Variants in NYAP2 observed in about 807,000 individuals in gnomAD.
The protein encoded by NYAP2 is neuronal tyrosine-phosphorylated phosphoinositide-3-kinase adaptor 2.
A neutral mutation model predicts 50.4 loss-of-function variants in NYAP2; 23 were observed. The observed-to-expected ratio is 0.46, with a 90% confidence interval of 0.33 to 0.65. The LOEUF (loss-of-function observed/expected upper bound fraction) is 0.65. Ranked by LOEUF, NYAP2 falls within the 30% of genes least tolerant of loss-of-function variation. NYAP2 has a pLI of 0.02. For missense variants in NYAP2, 885 were observed against 861.0 expected, an observed-to-expected ratio of 1.03 and a Z score of -0.35; for synonymous variants, 394 against 365.2, an observed-to-expected ratio of 1.08 and a Z score of -0.90.
At chr2:225,684,561 G>GT in the NYAP2 span, among the ~76,000 whole-genome samples, 140 of 145,578 alleles carry the variant, frequency 9.6e-4, no homozygotes, top group South Asian at 3.1e-3. Context: ...TAGTTTTTTT[G>GT]TTTTTTTTTT....
At chr2:225,617,759 T>C (rs1417279916) in intron 5 of NYAP2, among the ~76,000 whole-genome samples, 1 of 152,236 alleles carries the variant, frequency 6.6e-6, no homozygotes, top group Non-Finnish European at 1.5e-5. Context: ...TCTCCAGTTA[T>C]TGAGGGCTAT....
At chr2:225,611,063 A>T (rs1692875166) in intron 5 of NYAP2, among the ~76,000 whole-genome samples, 1 of 152,182 alleles carries the variant, frequency 6.6e-6, no homozygotes, top group Non-Finnish European at 1.5e-5. Flanking sequence ...TGAGTTTGGG[A>T]TGCAGAAAGG....
chr2:225,496,957 G>A (rs10933094), intron 3 of NYAP2, among the ~76,000 whole-genome samples: 8,803 of 151,966 alleles, frequency 0.058, 345 homozygotes, highest in Non-Finnish European at 0.086. Context: ...CATTAAAACC[G>A]TTGCTAATAT....
intron 4 of NYAP2, among the ~76,000 whole-genome samples, chr2:225,565,899 G>A (rs1039959865): frequency 6.7e-6 from 1 of 148,400 alleles, no homozygotes; most frequent in Admixed American, 6.6e-5. Context: ...TTTAAAAAAC[G>A]GTAAAAAAAT....
rs1260958166 is a variant in NYAP2 at position 225,532,153 on chromosome 2, A to G, written c.523+18481A>G. On this transcript the variant is annotated intron_variant, in intron 4 of 6. Transcript: ENST00000636099. The stretch of plus-strand genomic sequence containing the variant: ...GGTTTCACTTAGCCATTTCTATCAT[A>G]TTCTTAGAGGACAGGTATATATTTC... 2.6e-5 allele frequency among the ~76,000 whole-genome samples: 4 copies of G among 152,160 alleles called. No individual in the cohort carries two copies. The East Asian group carries it at 7.7e-4, about 29-fold the overall frequency.
chr2:225,433,358 TAAAA>T (rs10553749), intron 3 of NYAP2, among the ~76,000 whole-genome samples: 9 of 149,046 alleles, frequency 6.0e-5, no homozygotes, highest in Admixed American at 1.3e-4. Context: ...CCTATCTGTT[TAAAA>T]AAAAAAAAAG....
the NYAP2 span, among the ~76,000 whole-genome samples, chr2:225,696,170 A>G: frequency 2.0e-5 from 3 of 151,978 alleles, no homozygotes; most frequent in African/African-American, 7.2e-5. Context: ...CTCTGGAGTC[A>G]GACAGACCTG....
At chr2:225,442,971 A>C (rs1689494063) in intron 3 of NYAP2, among the ~76,000 whole-genome samples, 1 of 152,194 alleles carries the variant, frequency 6.6e-6, no homozygotes, top group Non-Finnish European at 1.5e-5. Context: ...CACATCTTAC[A>C]TGGTGGCAGG....
intron 3 of NYAP2, among the ~76,000 whole-genome samples, chr2:225,430,652 C>T (rs967651483): frequency 6.6e-6 from 1 of 152,146 alleles, no homozygotes; most frequent in African/African-American, 2.4e-5. Flanking sequence ...GGCCCAAGTG[C>T]TCAGTTATTA....
Position 225,583,049 on chromosome 2 carries a change from G to C in NYAP2, c.1618+14G>C, listed in dbSNP as rs1275136041. On this transcript the variant is annotated intron_variant, in intron 5 of 6. Transcript: ENST00000636099. Reference sequence around the variant, plus strand: ...AGCCTGCAGAGAGTAAGTGTGCAGGGCCTGCCTGAGCCCCAGAGCCCAGTG... The same window carrying C: ...AGCCTGCAGAGAGTAAGTGTGCAGGCCCTGCCTGAGCCCCAGAGCCCAGTG... 10 of 1,602,388 alleles carry C rather than the reference G, an allele frequency of 6.2e-6. No homozygotes were observed. The highest frequency in any genetic ancestry group is 8.5e-6 in the Non-Finnish European group (10 of 1,174,334).
At chr2:225,606,301 A>G (rs966177402) in intron 5 of NYAP2, among the ~76,000 whole-genome samples, 1 of 152,104 alleles carries the variant, frequency 6.6e-6, no homozygotes, top group Admixed American at 6.6e-5. Context: ...AACTTTCTGC[A>G]CTTGGTTTCC....
chr2:225,567,193 A>G (rs1461253213), intron 4 of NYAP2, among the ~76,000 whole-genome samples: 1 of 152,190 alleles, frequency 6.6e-6, no homozygotes, highest in African/African-American at 2.4e-5. Context: ...CTAAACATAT[A>G]TAAACATAGA....
At chr2:225,414,399 C>G (rs551550866) in intron 3 of NYAP2, among the ~76,000 whole-genome samples, 44 of 152,210 alleles carry the variant, frequency 2.9e-4, no homozygotes, top group African/African-American at 9.9e-4. Flanking sequence ...TGGTTTTGTG[C>G]AGGCACTGTT....
chr2:225,573,922 A>G (rs1316871286), intron 4 of NYAP2, among the ~76,000 whole-genome samples: 1 of 152,186 alleles, frequency 6.6e-6, no homozygotes, highest in Non-Finnish European at 1.5e-5. Flanking sequence ...AGAGGGAGAT[A>G]GATCTTATCT....
At chr2:225,513,546 T>C (rs1416450413) in exon 4 of NYAP2, 1 of 1,611,516 alleles carries the variant, frequency 6.2e-7, no homozygotes, top group Non-Finnish European at 8.5e-7. Context: ...TGACAGCAGC[T>C]GTGGCTCACG....
chr2:225,608,558 C>T lies in NYAP2; in HGVS notation c.1619-18359C>T, dbSNP rs368283281. On this transcript the variant is annotated intron_variant, in intron 5 of 6. Transcript: ENST00000636099. ...GGTCTCATTCTTTCTAATACAAAGC[C>T]TGCCTTTCAGAAACAGGCTGAACTT... is the stretch of plus-strand genomic sequence containing the variant. Among the ~76,000 whole-genome samples the T allele has an allele frequency of 2.6e-5, 4 of 152,122 alleles. No homozygotes were observed. The East Asian group carries it at 7.7e-4, about 29-fold the overall frequency.
At chr2:225,653,469 G>A (rs184936914) in exon 7 of NYAP2, 19 of 152,332 alleles carry the variant, frequency 1.2e-4, no homozygotes, top group Non-Finnish European at 4.4e-5. Context: ...TTTTCAAAAT[G>A]TAGCAAGGGA....
chr2:225,427,996 C>G (rs888919790), intron 3 of NYAP2, among the ~76,000 whole-genome samples: 1 of 152,180 alleles, frequency 6.6e-6, no homozygotes, highest in Non-Finnish European at 1.5e-5. Flanking sequence ...CTCTACTTCT[C>G]TCTCTGGTTA....
chr2:225,512,804 CT>C (rs1690846133), intron 3 of NYAP2, among the ~76,000 whole-genome samples: 1 of 71,366 alleles, frequency 1.4e-5, no homozygotes, highest in Admixed American at 1.7e-4. Context: ...CCCTCCCTCT[CT>C]TTCTTTTCTT....
Sources: gnomAD v4.1 joint callset for allele counts (sites outside exome capture counted in the v4.1 genomes callset) on GRCh38, gnomAD v4.1.1 for gene constraint, MANE v1.5 for transcripts, NCBI Gene and HGNC (gene_info 2026-07-23, HGNC 2026-07-21) for gene names.